The following PCDH15 variants were observed in gnomAD, a reference collection of about 807,000 sequenced individuals.
PCDH15 encodes the protein protocadherin related 15.
Under a neutral mutation model 178.5 loss-of-function variants are expected in PCDH15, and 129 were observed. That is an observed-to-expected ratio of 0.72 (90% CI 0.63 to 0.84). The LOEUF is 0.84. Among genes scored for constraint, PCDH15 ranks in the 40% least tolerant of loss-of-function variants. PCDH15 has a pLI of 0.00. For missense variants in PCDH15, 2,230 were observed against 2,099.9 expected, an observed-to-expected ratio of 1.06 and a Z score of -1.21; for synonymous variants, 800 against 732.0, an observed-to-expected ratio of 1.09 and a Z score of -1.50.
At chr10:53,823,363 A>G in intron 32 of PCDH15, 1 of 1,610,570 alleles carries the variant, frequency 6.2e-7, no homozygotes, top group Non-Finnish European at 8.5e-7. Flanking sequence ...AAAAGACTTG[A>G]AAGAAAAGAA....
chr10:53,841,728 T>C (rs553138859), intron 28 of PCDH15, among the ~76,000 whole-genome samples: 1 of 152,324 alleles, frequency 6.6e-6, no homozygotes, highest in Non-Finnish European at 1.5e-5. Flanking sequence ...TCTCTCGGCT[T>C]CGCAATTTCT....
chr10:55,227,798 A>G (rs771001629), intron 1 of PCDH15, among the ~76,000 whole-genome samples: 2 of 152,146 alleles, frequency 1.3e-5, no homozygotes, highest in Non-Finnish European at 2.9e-5. Flanking sequence ...GTATTATTAT[A>G]TTCAGAGGAC....
At chr10:55,174,938 G>T (rs1839435850) in intron 1 of PCDH15, among the ~76,000 whole-genome samples, 1 of 152,138 alleles carries the variant, frequency 6.6e-6, no homozygotes. Flanking sequence ...CAGCTTTCCA[G>T]AATTTAACCC....
chr10:54,836,607 T>C (rs1953321412), intron 3 of PCDH15, among the ~76,000 whole-genome samples: 1 of 152,072 alleles, frequency 6.6e-6, no homozygotes, highest in Non-Finnish European at 1.5e-5. Flanking sequence ...AAGATATAAA[T>C]AATCTAGTTC....
Position 55,376,356 on chromosome 10 carries a change from G to A in PCDH15, c.-155-209705C>T, listed in dbSNP as rs144639368. Among the ~76,000 whole-genome samples, 567 of 152,158 alleles carry A rather than the reference G, an allele frequency of 3.7e-3. 4 individuals carry two copies. Among genetic ancestry groups the A allele is most frequent in the African/African-American group, 0.011 (473 of 41,548 alleles). On this transcript the variant is annotated intron_variant, in intron 2 of 5. Transcript: ENST00000613346. ...CTATGAGAAAACTGAGACTTCAAAA[G>A]AATTCTTGCCCTTGGCGTCTCAGGT...
intron 3 of PCDH15, among the ~76,000 whole-genome samples, chr10:54,508,789 A>G (rs2081384731): frequency 2.6e-5 from 4 of 152,076 alleles, no homozygotes; most frequent in Non-Finnish European, 5.9e-5. Flanking sequence ...ATGAGGTTCA[A>G]AAATAGCTGG....
intron 8 of PCDH15, among the ~76,000 whole-genome samples, chr10:54,246,589 T>C (rs2055951908): frequency 6.6e-6 from 1 of 151,904 alleles, no homozygotes; most frequent in Non-Finnish European, 1.5e-5. Flanking sequence ...TTTTTTCAAC[T>C]GGCGATGAAC....
At chr10:53,908,069 G>A (rs763977631) in intron 25 of PCDH15, among the ~76,000 whole-genome samples, 3 of 152,072 alleles carry the variant, frequency 2.0e-5, no homozygotes, top group Non-Finnish European at 2.9e-5. Flanking sequence ...AAGCCTTACT[G>A]AATAAGAAGC....
intron 26 of PCDH15, among the ~76,000 whole-genome samples, chr10:53,887,635 T>TC (rs1160103409): frequency 2.0e-5 from 3 of 152,210 alleles, no homozygotes; most frequent in African/African-American, 7.2e-5. Flanking sequence ...ACGCCTGTAA[T>TC]CCCAGCACTT....
intron 27 of PCDH15, among the ~76,000 whole-genome samples, chr10:53,865,537 A>G (rs2079388124): frequency 1.3e-5 from 2 of 152,196 alleles, no homozygotes; most frequent in African/African-American, 4.8e-5. Context: ...GTTCTTATTC[A>G]TATGTGGAAT....
At chr10:54,532,704 A>G (rs1169587626) in intron 2 of PCDH15, among the ~76,000 whole-genome samples, 2 of 152,124 alleles carry the variant, frequency 1.3e-5, no homozygotes, top group East Asian at 3.9e-4. Context: ...TCTCAAGTGC[A>G]AGTACAGCAG....
intron 2 of PCDH15, among the ~76,000 whole-genome samples, chr10:55,090,537 T>C (rs1455341276): frequency 6.6e-6 from 1 of 152,034 alleles, no homozygotes; most frequent in Non-Finnish European, 1.5e-5. Flanking sequence ...TAAAGTCATA[T>C]AGACCTCCTT....
At position 53,827,628 on chromosome 10, in the gene PCDH15, G is replaced by T. The variant is rs1035591188; in HGVS notation, c.4212-80C>A. ...TCAATAAGCCACCTTTTAATAATGG[G>T]GTCCAGTTATCAGGGGAACCCACTA... On this transcript the variant is annotated intron_variant, in intron 31 of 37. Coordinates refer to ENST00000644397, the MANE Select transcript of PCDH15 (RefSeq NM_001384140.1). The T allele has an allele frequency of 2.6e-6, 4 of 1,533,874 alleles. No homozygotes were observed. In the Admixed American group the frequency reaches 6.9e-5, roughly 26 times the overall value.
chr10:55,531,408 C>A (rs1327275826), intron 2 of PCDH15, among the ~76,000 whole-genome samples: 1 of 151,894 alleles, frequency 6.6e-6, no homozygotes, highest in Non-Finnish European at 1.5e-5. Context: ...ATAAATGGCT[C>A]TTATTAATGG....
At chr10:54,821,855 G>C (rs1365354033) in intron 3 of PCDH15, among the ~76,000 whole-genome samples, 1 of 152,002 alleles carries the variant, frequency 6.6e-6, no homozygotes, top group African/African-American at 2.4e-5. Context: ...TTTTATGCCT[G>C]TTTGTTTCTT....
intron 1 of PCDH15, among the ~76,000 whole-genome samples, chr10:54,739,564 A>G (rs183133928): frequency 0.011 from 1,315 of 115,278 alleles, 15 homozygotes; most frequent in African/African-American, 0.043. Context: ...ACAAAATCGA[A>G]AAAAAAAAAA....
intron 26 of PCDH15, among the ~76,000 whole-genome samples, chr10:53,881,130 TC>T (rs1310061419): frequency 7.2e-5 from 11 of 152,298 alleles, no homozygotes; most frequent in African/African-American, 2.6e-4. Flanking sequence ...AAGAAATGGC[TC>T]CAACACCAGT....
chr10:55,475,381 C>T (rs562210930), intron 2 of PCDH15, among the ~76,000 whole-genome samples: 15 of 152,208 alleles, frequency 9.9e-5, no homozygotes, highest in African/African-American at 3.6e-4. Flanking sequence ...TCAAAACTTG[C>T]AACAATATTA....
chr10:55,146,552 T>G (rs1013695618), intron 2 of PCDH15, among the ~76,000 whole-genome samples: 1 of 151,906 alleles, frequency 6.6e-6, no homozygotes, highest in South Asian at 2.1e-4. Flanking sequence ...TGCTATAGCG[T>G]TCTGTAACAC....
Sources: gnomAD v4.1 joint callset for allele counts (sites outside exome capture counted in the v4.1 genomes callset) on GRCh38, gnomAD v4.1.1 for gene constraint, MANE v1.5 for transcripts, NCBI Gene and HGNC (gene_info 2026-07-23, HGNC 2026-07-21) for gene names.